Variants in REC114 observed in about 807,000 individuals in gnomAD.
The protein encoded by REC114 is meiotic recombination protein REC114.
Under a neutral mutation model 31.3 loss-of-function variants are expected in REC114, and 27 were observed. The ratio of observed to expected loss-of-function variants is 0.86; its 90% CI spans 0.64 to 1.19. The LOEUF is 1.19. Ranked by LOEUF, REC114 falls within the 50% of genes most tolerant of loss-of-function variation. REC114 has a pLI of 0.00. For missense variants in REC114, 344 were observed against 326.9 expected (o/e 1.05, Z -0.40); for synonymous variants, 134 against 127.7 (o/e 1.05, Z -0.33).
At chr15:73,517,433 T>C (rs1893873626) in intron 2 of REC114, among the ~76,000 whole-genome samples, 1 of 152,156 alleles carries the variant, frequency 6.6e-6, no homozygotes, top group African/African-American at 2.4e-5. Context: ...ATAAAGAAGA[T>C]GACAGCTTGG....
In REC114 at chr15:73,538,267, G is replaced by A. The variant is rs372521869; in HGVS notation, c.250-2218G>A. On this transcript the variant is annotated intron_variant, in intron 2 of 5. Transcript: ENST00000331090. ...TGTAAAACACACACTGGATTTCAAA[G>A]ACAGTATAAAAAAAATGCAAACTGT... is the stretch of plus-strand genomic sequence containing the variant. 7.9e-5 allele frequency among the ~76,000 whole-genome samples: 12 copies of A among 151,898 alleles called. 1 individual carries two copies. Among genetic ancestry groups the A allele is most frequent in the Admixed American group, 5.9e-4 (9 of 15,248 alleles).
chr15:73,458,167 G>A (rs1038161151), intron 1 of REC114, among the ~76,000 whole-genome samples: 1 of 152,134 alleles, frequency 6.6e-6, no homozygotes, highest in Non-Finnish European at 1.5e-5. Context: ...TTCACTAAGT[G>A]GTACTGATAC....
At position 73,469,151 on chromosome 15, in the gene REC114, A is replaced by G. The variant is rs577466070; in HGVS notation, c.160-4681A>G. The stretch of plus-strand genomic sequence containing the variant: ...TGACAGTTGCTCAAGTCTGCTATAT[A>G]CTTGGTGATTTGCTATGTGCTTTTT... On this transcript the variant is annotated intron_variant, in intron 1 of 5. Coordinates refer to ENST00000331090, the MANE Select transcript of REC114 (RefSeq NM_001042367.2). 8.6e-4 allele frequency among the ~76,000 whole-genome samples: 131 copies of G among 152,204 alleles called. 2 individuals carry two copies. Among genetic ancestry groups the G allele is most frequent in the Admixed American group, 6.5e-4 (10 of 15,290 alleles).
intron 2 of REC114, among the ~76,000 whole-genome samples, chr15:73,534,924 A>C (rs1336858311): frequency 1.4e-5 from 2 of 144,186 alleles, no homozygotes; most frequent in Admixed American, 1.4e-4. Context: ...GCCAAAGACA[A>C]AAACCACATG....
chr15:73,558,052 A>T (rs192577836), intron 5 of REC114, among the ~76,000 whole-genome samples: 59 of 152,272 alleles, frequency 3.9e-4, no homozygotes, highest in Non-Finnish European at 7.4e-4. Flanking sequence ...AATACAAGGG[A>T]TGTAGGCTGC....
chr15:73,550,962 C>G lies in REC114; in HGVS notation c.358C>G (p.Gln120Glu). ...IKDKSRLFRV[Q>E]FSGESKEQAL... ...GGACAAGAGTCGCCTGTTTCGAGTA[C>G]AGTTCAGTGGAGAGTCAAAGGAGCA... Residue 120 changes from glutamine to glutamate, a missense_variant, in exon 4 of 6, where the codon CAG (glutamine) becomes GAG (glutamate). Gln to Glu is a conservative substitution (Grantham distance 29, BLOSUM62 2). Transcript: ENST00000331090. 1 of 1,613,818 alleles carries G rather than the reference C, an allele frequency of 6.2e-7. No individual in the cohort carries two copies. Among genetic ancestry groups the G allele is most frequent in the Non-Finnish European group, 8.5e-7 (1 of 1,179,824 alleles).
intron 2 of REC114, among the ~76,000 whole-genome samples, chr15:73,496,394 C>T (rs979173637): frequency 6.7e-5 from 10 of 149,184 alleles, no homozygotes; most frequent in Admixed American, 2.7e-4. Flanking sequence ...AAAAGTAGGC[C>T]GAGCGCGTAA....
intron 2 of REC114, among the ~76,000 whole-genome samples, chr15:73,528,000 G>A (rs1894028626): frequency 6.6e-6 from 1 of 152,134 alleles, no homozygotes; most frequent in Non-Finnish European, 1.5e-5. Context: ...GTAAAGATCA[G>A]TAACTGCAAA....
intron 1 of REC114, among the ~76,000 whole-genome samples, chr15:73,470,881 AG>A (rs1893124804): frequency 6.6e-6 from 1 of 152,212 alleles, no homozygotes; most frequent in Non-Finnish European, 1.5e-5. Flanking sequence ...CAGCAATTGT[AG>A]AAGCCCTGAG....
At chr15:73,543,407 A>C (rs944077574) in intron 3 of REC114, among the ~76,000 whole-genome samples, 7 of 152,120 alleles carry the variant, frequency 4.6e-5, no homozygotes, top group African/African-American at 1.7e-4. Flanking sequence ...ATCTCAGCTC[A>C]CTGCAACCTC....
Position 73,549,276 on chromosome 15 carries a change from A to G in REC114, c.334-1662A>G, listed in dbSNP as rs142150205. On this transcript the variant is annotated intron_variant, in intron 3 of 5. Coordinates refer to ENST00000331090, the MANE Select transcript of REC114 (RefSeq NM_001042367.2). Reference sequence around the variant, plus strand: ...ATAAACCAGGCACAGAAAGACAAACATCACATATTCTCACTTATTTGTGGG... The same window carrying G: ...ATAAACCAGGCACAGAAAGACAAACGTCACATATTCTCACTTATTTGTGGG... Among the ~76,000 whole-genome samples, 214 of 152,356 alleles carry G rather than the reference A, an allele frequency of 1.4e-3. 5 individuals are homozygous for G. The East Asian group carries it at 0.04, about 29-fold the overall frequency.
At chr15:73,552,548 C>G (rs556118112) in intron 4 of REC114, among the ~76,000 whole-genome samples, 4 of 152,046 alleles carry the variant, frequency 2.6e-5, no homozygotes, top group Admixed American at 2.6e-4. Flanking sequence ...GATGAAAGTT[C>G]TTTGAAGGCC....
chr15:73,464,934 C>T (rs1461490528), intron 1 of REC114, among the ~76,000 whole-genome samples: 1 of 152,120 alleles, frequency 6.6e-6, no homozygotes, highest in Non-Finnish European at 1.5e-5. Context: ...CTGTGTTGCC[C>T]AGTCTGGAGT....
intron 2 of REC114, among the ~76,000 whole-genome samples, chr15:73,529,619 A>G (rs1894050057): frequency 6.6e-6 from 1 of 152,078 alleles, no homozygotes; most frequent in African/African-American, 2.4e-5. Flanking sequence ...CTGTTTTACT[A>G]TTTTCTCTAG....
At chr15:73,545,801 C>G (rs562735181) in intron 3 of REC114, among the ~76,000 whole-genome samples, 2 of 152,252 alleles carry the variant, frequency 1.3e-5, no homozygotes, top group African/African-American at 4.8e-5. Context: ...CTTTTTAAAG[C>G]TAGCTATGAA....
intron 2 of REC114, among the ~76,000 whole-genome samples, chr15:73,522,886 C>T (rs1253103212): frequency 2.6e-5 from 4 of 152,146 alleles, no homozygotes; most frequent in African/African-American, 7.2e-5. Context: ...CCATTGTACA[C>T]ACCAATCAGC....
intron 4 of REC114, among the ~76,000 whole-genome samples, chr15:73,555,579 C>T (rs1021135546): frequency 1.3e-5 from 2 of 152,192 alleles, no homozygotes; most frequent in African/African-American, 4.8e-5. Context: ...TCTAGCACTT[C>T]CTGAGTTGCA....
chr15:73,506,036 C>T (rs1407124363), intron 2 of REC114, among the ~76,000 whole-genome samples: 2 of 152,036 alleles, frequency 1.3e-5, no homozygotes, highest in Non-Finnish European at 2.9e-5. Flanking sequence ...GGAGATGCCC[C>T]CTGCTTTTTT....
intron 2 of REC114, among the ~76,000 whole-genome samples, chr15:73,476,168 G>A (rs1337971767): frequency 6.6e-6 from 1 of 152,154 alleles, no homozygotes; most frequent in Non-Finnish European, 1.5e-5. Context: ...TCATTGTTAA[G>A]TGACATATGA....
Sources: gnomAD v4.1 joint callset for allele counts (sites outside exome capture counted in the v4.1 genomes callset) on GRCh38, gnomAD v4.1.1 for gene constraint, MANE v1.5 for transcripts, NCBI Gene and HGNC (gene_info 2026-07-23, HGNC 2026-07-21) for gene names.